LDHC: variants seen among roughly 807,000 people sequenced by gnomAD.
The protein encoded by LDHC is lactate dehydrogenase C, also known as L-lactate dehydrogenase C chain.
LDHC carries 20 observed loss-of-function variants against 30.2 expected under a neutral mutation model. That is an observed-to-expected ratio of 0.66 (90% confidence interval 0.47 to 0.96). The LOEUF is 0.96. Among genes scored for constraint, LDHC ranks in the 40% least tolerant of loss-of-function variants. The pLI is 0.00. For missense variants in LDHC, 362 were observed against 394.9 expected (o/e 0.92, Z 0.71); for synonymous variants, 139 against 132.7 (o/e 1.05, Z -0.32).
chr11:18,447,588 T>A (rs1305987099), intron 7 of LDHC, among the ~76,000 whole-genome samples: 3 of 152,196 alleles, frequency 2.0e-5, no homozygotes, highest in Non-Finnish European at 4.4e-5. Context: ...ACAAGGATAA[T>A]GGCAGAAATT....
At chr11:18,439,818 A>C (rs1214748636) in intron 6 of LDHC, among the ~76,000 whole-genome samples, 12 of 141,614 alleles carry the variant, frequency 8.5e-5, no homozygotes, top group African/African-American at 2.6e-4. Context: ...TACTAAAAAA[A>C]AAAAAAAAAA....
At chr11:18,421,810 A>G (rs1848059318) in intron 3 of LDHC, among the ~76,000 whole-genome samples, 1 of 152,138 alleles carries the variant, frequency 6.6e-6, no homozygotes, top group African/African-American at 2.4e-5. Flanking sequence ...GACAGCTAAC[A>G]AAAGAACAGA....
At position 18,416,724 on chromosome 11, in the gene LDHC, C is replaced by T. The variant is rs540576957; in HGVS notation, c.244+1423C>T. Among the ~76,000 whole-genome samples, 691 of 150,124 alleles carry T rather than the reference C, an allele frequency of 4.6e-3. 2 individuals are homozygous for T. The highest frequency in any genetic ancestry group is 5.4e-3 in the Non-Finnish European group (364 of 67,562). On this transcript the variant is annotated intron_variant, in intron 3 of 7. Coordinates refer to ENST00000541669, the MANE Select transcript of LDHC (RefSeq NM_017448.5). Reference sequence around the variant, plus strand: ...TCCCTTCCTTTTCCCTTTCCCCTTCCTTCCCCCTTTCCCTTCTCCGTTCAT... The same window carrying T: ...TCCCTTCCTTTTCCCTTTCCCCTTCTTTCCCCCTTTCCCTTCTCCGTTCAT...
intron 7 of LDHC, chr11:18,450,346 C>A (rs1848633566): frequency 6.6e-6 from 1 of 152,502 alleles, no homozygotes; most frequent in South Asian, 2.1e-4. Flanking sequence ...ATGGGAGGTC[C>A]CAGATAGAAC....
rs77486576 is a variant in LDHC at position 18,443,135 on chromosome 11, G to T, written c.711-3075G>T. ...TTCACCAAAAAGCTTTGAATGAGAG[G>T]TTAAATTAATCCCTAGAAAACACAA... On this transcript the variant is annotated intron_variant, in intron 6 of 7. Coordinates refer to ENST00000541669, the MANE Select transcript of LDHC (RefSeq NM_017448.5). Among the ~76,000 whole-genome samples the T allele has an allele frequency of 8.4e-3, 1,285 of 152,152 alleles. 15 individuals are homozygous for T. The highest frequency in any genetic ancestry group is 0.03 in the African/African-American group (1,232 of 41,500).
intron 6 of LDHC, among the ~76,000 whole-genome samples, chr11:18,440,723 G>T (rs1345605422): frequency 6.6e-6 from 1 of 152,004 alleles, no homozygotes; most frequent in Admixed American, 6.6e-5. Flanking sequence ...GAGGCCAGGA[G>T]TTTCAGATCA....
At chr11:18,417,665 A>G (rs2037868) in intron 3 of LDHC, among the ~76,000 whole-genome samples, 134,542 of 152,200 alleles carry the variant, frequency 0.88, 59,647 homozygotes, top group Middle Eastern at 0.93. Context: ...ACCACGCCCA[A>G]CCCATTTTTA....
At chr11:18,438,336 A>G (rs890152682) in intron 5 of LDHC, among the ~76,000 whole-genome samples, 192 bp from the exon 6 acceptor site, 1 of 152,184 alleles carries the variant, frequency 6.6e-6, no homozygotes, top group African/African-American at 2.4e-5. Context: ...TAAGCTATTC[A>G]TGAGGGATCT....
intron 4 of LDHC, 98 bp from the exon 5 acceptor site, chr11:18,434,642 G>A (rs866039879): frequency 2.9e-6 from 2 of 694,782 alleles, no homozygotes; most frequent in Middle Eastern, 3.6e-4. Context: ...TAATAAATCT[G>A]TATTTGACTC....
intron 3 of LDHC, among the ~76,000 whole-genome samples, chr11:18,418,390 A>T (rs1033876713): frequency 6.0e-5 from 9 of 149,948 alleles, no homozygotes; most frequent in African/African-American, 2.2e-4. Flanking sequence ...AATTTGGTGG[A>T]TTGGTTAAAT....
In LDHC at chr11:18,426,038, TTTTTTTAC is replaced by T. The variant is rs886678788; in HGVS notation, c.245-3693_245-3686del. Among the ~76,000 whole-genome samples the T allele has an allele frequency of 1.4e-4, 21 of 152,220 alleles. No homozygotes were observed. In the South Asian group the frequency reaches 3.5e-3, roughly 26 times the overall value. On this transcript the variant is annotated intron_variant, in intron 3 of 7. Transcript: ENST00000541669. ...TCGTTGATTAGCCACAATTTTTTTT[TTTTTTTAC>T]TTTTTAGTTTAGAGATGGCTGTTCA...
At chr11:18,437,491 G>T (rs921713588) in intron 5 of LDHC, among the ~76,000 whole-genome samples, 3 of 151,796 alleles carry the variant, frequency 2.0e-5, no homozygotes, top group Non-Finnish European at 2.9e-5. Context: ...GGTGGCTCAC[G>T]CCTATAATCC....
At chr11:18,424,599 T>C (rs1848129080) in intron 3 of LDHC, among the ~76,000 whole-genome samples, 1 of 152,184 alleles carries the variant, frequency 6.6e-6, no homozygotes, top group African/African-American at 2.4e-5. Context: ...CAGTGTAATA[T>C]TGCACAGCAG....
chr11:18,413,018 T>C (rs544591223), intron 2 of LDHC, among the ~76,000 whole-genome samples, 175 bp downstream of exon 2: 1 of 144,384 alleles, frequency 6.9e-6, no homozygotes, highest in African/African-American at 2.5e-5. Context: ...TTTTTCTTTC[T>C]CTCTTTCTTT....
At chr11:18,428,437 G>C (rs188711076) in intron 3 of LDHC, among the ~76,000 whole-genome samples, 4 of 152,038 alleles carry the variant, frequency 2.6e-5, no homozygotes, top group Admixed American at 2.6e-4. Flanking sequence ...AGAATTACAG[G>C]TGTGAGCCAC....
intron 3 of LDHC, among the ~76,000 whole-genome samples, chr11:18,419,211 A>G (rs1438720050): frequency 6.6e-6 from 1 of 152,178 alleles, no homozygotes; most frequent in Admixed American, 6.5e-5. Context: ...TTACAGTGCA[A>G]AAGGAAGCCA....
chr11:18,416,523 A>C (rs1309063816), intron 3 of LDHC, among the ~76,000 whole-genome samples: 1 of 152,264 alleles, frequency 6.6e-6, no homozygotes, highest in Non-Finnish European at 1.5e-5. Context: ...TAATTTAAAC[A>C]TGCTTCTTAG....
chr11:18,416,051 A>T (rs1436830567), intron 3 of LDHC, among the ~76,000 whole-genome samples: 2 of 152,174 alleles, frequency 1.3e-5, no homozygotes, highest in Admixed American at 6.5e-5. Flanking sequence ...ATATAATTGG[A>T]GCATATTTGG....
intron 4 of LDHC, among the ~76,000 whole-genome samples, chr11:18,432,168 A>G (rs1205700326): frequency 6.6e-6 from 1 of 152,162 alleles, no homozygotes. Context: ...TTGTGTCATT[A>G]CTGTCATTCG....
Sources: allele counts gnomAD v4.1 joint callset (sites outside exome capture counted in the v4.1 genomes callset), GRCh38; gene constraint gnomAD v4.1.1; transcripts MANE v1.5; gene names NCBI Gene and HGNC (gene_info 2026-07-23, HGNC 2026-07-21).